The following ALK variants were observed in gnomAD, a reference collection of about 807,000 sequenced individuals.
ALK encodes the protein ALK tyrosine kinase receptor.
Under a neutral mutation model 163.1 loss-of-function variants are expected in ALK, and 74 were observed. That is an observed-to-expected ratio of 0.45 (90% CI 0.38 to 0.55). ALK has a LOEUF of 0.55. ALK is among the 20% of genes least tolerant of loss of function. The pLI is 0.00. For missense variants in ALK, 2,063 were observed against 2,105.3 expected (o/e 0.98, Z 0.39); for synonymous variants, 960 against 843.2 (o/e 1.14, Z -2.40).
intron 1 of ALK, among the ~76,000 whole-genome samples, chr2:29,775,803 G>A (rs1681159764): frequency 6.6e-6 from 1 of 152,204 alleles, no homozygotes; most frequent in Non-Finnish European, 1.5e-5. Context: ...GCAATGGATA[G>A]TAACCACCCA....
intron 26 of ALK, among the ~76,000 whole-genome samples, chr2:29,205,897 C>T (rs922660008): frequency 2.6e-5 from 4 of 152,198 alleles, no homozygotes; most frequent in African/African-American, 9.7e-5. Flanking sequence ...ACCTGTGCCC[C>T]ACTTGGCAGT....
chr2:29,402,383 C>A (rs1416849144), intron 4 of ALK, among the ~76,000 whole-genome samples: 1 of 152,226 alleles, frequency 6.6e-6, no homozygotes, highest in African/African-American at 2.4e-5. Context: ...CAGCATGGTC[C>A]AGAGGAAGAA....
At chr2:29,633,026 T>C (rs562380135) in intron 3 of ALK, among the ~76,000 whole-genome samples, 1 of 152,256 alleles carries the variant, frequency 6.6e-6, no homozygotes, top group East Asian at 1.9e-4. Flanking sequence ...ACAAACCATA[T>C]CATCCACCAC....
chr2:29,200,959 A>T (rs1261241684), intron 26 of ALK, among the ~76,000 whole-genome samples: 3 of 151,636 alleles, frequency 2.0e-5, no homozygotes, highest in Non-Finnish European at 4.4e-5. Flanking sequence ...ATTATTGCTG[A>T]TTAAACTGTT....
At position 29,193,851 on chromosome 2, in the gene ALK, A is replaced by G. The variant is rs1160385577; in HGVS notation, c.4236T>C (p.Pro1412=). Residue 1412 remains proline (P), a synonymous_variant, in exon 29 of 29, where the codon CCT becomes CCC. Transcript: ENST00000389048. ...CCCCCTCAGGGTCCTTGGGCCTCAC[A>G]GGCACTTTCTCTTCCTCTTCCACAA... ...GPLVEEEEKV[P]VRPKDPEGVP... 6.2e-7 allele frequency: 1 copy of G among 1,613,376 alleles called. No homozygotes were observed. Among genetic ancestry groups the G allele is most frequent in the African/African-American group, 1.3e-5 (1 of 74,962 alleles).
intron 12 of ALK, among the ~76,000 whole-genome samples, chr2:29,243,159 A>C (rs1664567406): frequency 6.6e-6 from 1 of 152,140 alleles, no homozygotes. Flanking sequence ...CAGCTCTGCC[A>C]CTCAGGGCCA....
chr2:29,415,940 C>T (rs542388091), intron 4 of ALK, among the ~76,000 whole-genome samples: 13 of 152,314 alleles, frequency 8.5e-5, no homozygotes, highest in African/African-American at 1.9e-4. Flanking sequence ...ACCCCTACCC[C>T]GGCTGTATTT....
At chr2:29,398,490 G>A (rs1046558696) in intron 4 of ALK, among the ~76,000 whole-genome samples, 1 of 152,082 alleles carries the variant, frequency 6.6e-6, no homozygotes, top group African/African-American at 2.4e-5. Context: ...TGTCACTATA[G>A]CCACTGGTGA....
At chr2:29,588,176 T>G (rs1674941412) in intron 3 of ALK, among the ~76,000 whole-genome samples, 1 of 152,190 alleles carries the variant, frequency 6.6e-6, no homozygotes, top group Admixed American at 6.5e-5. Context: ...ACTGAGACCA[T>G]AAATTATACA....
In ALK at chr2:29,644,097, A is replaced by G. The variant is rs538550460; in HGVS notation, c.952+50753T>C. 4.6e-3 allele frequency among the ~76,000 whole-genome samples: 695 copies of G among 152,126 alleles called. 2 individuals are homozygous for G. The highest frequency in any genetic ancestry group is 7.0e-3 in the Non-Finnish European group (478 of 67,994). On this transcript the variant is annotated intron_variant, in intron 3 of 28. Transcript: ENST00000389048. ...AAAATGATGAGTTCACGTCCTTTGT[A>G]GGGACATGGATGAAGCTGGAAACCA... is the stretch of plus-strand genomic sequence containing the variant.
chr2:29,737,620 C>T (rs1679930285), intron 1 of ALK, among the ~76,000 whole-genome samples: 1 of 152,076 alleles, frequency 6.6e-6, no homozygotes. Flanking sequence ...GCATTCATTT[C>T]TTGCATTGTT....
At chr2:29,623,907 C>T (rs933374358) in intron 3 of ALK, among the ~76,000 whole-genome samples, 3 of 152,150 alleles carry the variant, frequency 2.0e-5, no homozygotes, top group African/African-American at 4.8e-5. Flanking sequence ...ATGTTTACAA[C>T]AGTTGGTGGC....
intron 6 of ALK, among the ~76,000 whole-genome samples, chr2:29,321,877 C>G (rs1667062622): frequency 6.6e-6 from 1 of 152,236 alleles, no homozygotes; most frequent in Non-Finnish European, 1.5e-5. Context: ...TTCTCTACAT[C>G]AGACTGATCT....
intron 3 of ALK, among the ~76,000 whole-genome samples, chr2:29,682,616 T>C (rs1268674684): frequency 6.6e-6 from 1 of 152,204 alleles, no homozygotes; most frequent in Non-Finnish European, 1.5e-5. Flanking sequence ...TACATAATGA[T>C]ACTTTAATAA....
chr2:29,337,803 T>C (rs1483053105), intron 5 of ALK, among the ~76,000 whole-genome samples: 1 of 152,202 alleles, frequency 6.6e-6, no homozygotes, highest in African/African-American at 2.4e-5. Flanking sequence ...TTTCCATGTC[T>C]GTGAATACTC....
chr2:29,487,861 C>T (rs987481072), intron 4 of ALK, among the ~76,000 whole-genome samples: 4 of 152,198 alleles, frequency 2.6e-5, no homozygotes, highest in African/African-American at 9.6e-5. Flanking sequence ...ATCTCCCTCT[C>T]TCCAAAGCCT....
intron 3 of ALK, among the ~76,000 whole-genome samples, chr2:29,581,867 T>C (rs1674702160): frequency 6.6e-6 from 1 of 152,218 alleles, no homozygotes; most frequent in Admixed American, 6.5e-5. Context: ...CTGCCTTGTT[T>C]CCTTACCTCT....
rs144613754 is a variant in ALK, at chr2:29,463,859, C to G, written c.1154+68056G>C. On this transcript the variant is annotated intron_variant, in intron 4 of 28. Coordinates refer to ENST00000389048, the MANE Select transcript of ALK (RefSeq NM_004304.5). ...CAGAAATCATCAGGCTGAACAATTCCTAGATCCAAGGCTATGAACAGTCTG... is the reference window on the plus strand; with the variant it reads ...CAGAAATCATCAGGCTGAACAATTCGTAGATCCAAGGCTATGAACAGTCTG... Among the ~76,000 whole-genome samples the G allele has an allele frequency of 1.2e-3, 181 of 152,282 alleles. 1 individual carries two copies. The highest frequency in any genetic ancestry group is 3.8e-3 in the African/African-American group (160 of 41,568).
intron 4 of ALK, among the ~76,000 whole-genome samples, chr2:29,508,406 T>C (rs1023004072): frequency 1.3e-5 from 2 of 152,042 alleles, no homozygotes; most frequent in African/African-American, 2.4e-5. Context: ...GGGACATGGA[T>C]GAAGCTGGAA....
Sources: gnomAD v4.1 joint callset for allele counts (sites outside exome capture counted in the v4.1 genomes callset) on GRCh38, gnomAD v4.1.1 for gene constraint, MANE v1.5 for transcripts, NCBI Gene and HGNC (gene_info 2026-07-23, HGNC 2026-07-21) for gene names.